Variants in NRCAM observed in about 807,000 individuals in gnomAD.
NRCAM encodes the protein NgCAM-related cell adhesion molecule.
A neutral mutation model predicts 156.5 loss-of-function variants in NRCAM; 83 were observed. The observed-to-expected ratio is 0.53, with a 90% CI of 0.44 to 0.64. NRCAM has a LOEUF of 0.64. NRCAM is among the 30% of genes least tolerant of loss of function. NRCAM has a pLI of 0.00. For synonymous variants in NRCAM, 538 were observed against 563.9 expected (o/e 0.95, Z 0.65); for missense variants, 1,417 against 1,597.3 (o/e 0.89, Z 1.92).
At chr7:108,417,964 C>T (rs193111974) in intron 1 of NRCAM, among the ~76,000 whole-genome samples, 1 of 152,290 alleles carries the variant, frequency 6.6e-6, no homozygotes, top group Admixed American at 6.5e-5. Flanking sequence ...AGCCATTTAG[C>T]ACTGAAAGTT....
chr7:108,317,661 G>C (rs1479959732), intron 2 of NRCAM, among the ~76,000 whole-genome samples: 1 of 152,150 alleles, frequency 6.6e-6, no homozygotes, highest in Non-Finnish European at 1.5e-5. Flanking sequence ...TGTAATCCTA[G>C]CACTTTGGGA....
At chr7:108,203,299 G>T (rs79630811) in intron 13 of NRCAM, among the ~76,000 whole-genome samples, 2,250 of 152,090 alleles carry the variant, frequency 0.015, 49 homozygotes, top group African/African-American at 0.047. Context: ...AGGTGGTTTT[G>T]GGAAATTTCC....
intron 2 of NRCAM, among the ~76,000 whole-genome samples, chr7:108,388,370 T>C (rs2099748155): frequency 6.6e-6 from 1 of 152,242 alleles, no homozygotes; most frequent in East Asian, 1.9e-4. Context: ...TTGAGAAATG[T>C]CTGTTCGTAT....
chr7:108,343,187 G>C (rs907546430), intron 2 of NRCAM, among the ~76,000 whole-genome samples: 9 of 152,272 alleles, frequency 5.9e-5, no homozygotes, highest in South Asian at 4.1e-4. Flanking sequence ...CCAGGAACTA[G>C]TGCTCAGCTG....
chr7:108,334,562 C>T (rs1317467611), intron 2 of NRCAM, among the ~76,000 whole-genome samples: 1 of 152,196 alleles, frequency 6.6e-6, no homozygotes, highest in African/African-American at 2.4e-5. Flanking sequence ...GTTCCTCACT[C>T]CTCTCCCTCT....
At chr7:108,243,063 T>C (rs1331302831) in intron 3 of NRCAM, 7 of 152,194 alleles carry the variant, frequency 4.6e-5, no homozygotes, top group Non-Finnish European at 1.0e-4. Flanking sequence ...AGACATGAGT[T>C]AATAAATCCT....
chr7:108,285,719 AT>A (rs1449099301), intron 3 of NRCAM, among the ~76,000 whole-genome samples: 1 of 152,182 alleles, frequency 6.6e-6, no homozygotes, highest in East Asian at 1.9e-4. Context: ...CATTCACTAT[AT>A]TTTGTCAGGA....
At chr7:108,156,124 C>T (rs1311921674) in intron 32 of NRCAM, 1 of 175,192 alleles carries the variant, frequency 5.7e-6, no homozygotes, top group Admixed American at 6.5e-5. Flanking sequence ...TATTATTTTA[C>T]TCACAAGCCA....
chr7:108,281,885 A>G (rs1308577761), intron 3 of NRCAM, among the ~76,000 whole-genome samples: 2 of 152,252 alleles, frequency 1.3e-5, no homozygotes, highest in Non-Finnish European at 2.9e-5. Context: ...AAGATTTTTG[A>G]TTAAACACAA....
intron 2 of NRCAM, among the ~76,000 whole-genome samples, chr7:108,324,637 C>T (rs1225704377): frequency 2.6e-5 from 4 of 152,086 alleles, no homozygotes; most frequent in Non-Finnish European, 2.9e-5. Context: ...CCTGTCCAGT[C>T]GGGGGCTGGG....
At chr7:108,298,351 C>T (rs554931713) in intron 3 of NRCAM, among the ~76,000 whole-genome samples, 72 of 151,748 alleles carry the variant, frequency 4.7e-4, no homozygotes, top group Non-Finnish European at 5.9e-4. Context: ...ACCCCCTCCC[C>T]GCCAAAAAAA....
intron 3 of NRCAM, among the ~76,000 whole-genome samples, chr7:108,253,007 T>C (rs546733429): frequency 6.6e-6 from 1 of 152,358 alleles, no homozygotes; most frequent in African/African-American, 2.4e-5. Context: ...CCAGGACATA[T>C]CTAAAATGAC....
intron 2 of NRCAM, among the ~76,000 whole-genome samples, chr7:108,334,830 A>G (rs1472637283): frequency 6.6e-6 from 1 of 152,238 alleles, no homozygotes; most frequent in Non-Finnish European, 1.5e-5. Context: ...GTAGTCAAGC[A>G]GTAATAAAAT....
At chr7:108,416,979 C>T (rs984684363) in intron 1 of NRCAM, among the ~76,000 whole-genome samples, 1 of 152,236 alleles carries the variant, frequency 6.6e-6, no homozygotes, top group Non-Finnish European at 1.5e-5. Flanking sequence ...ACATATTCTC[C>T]AGAGAGATTC....
chr7:108,402,178 T>A (rs989231371), intron 1 of NRCAM, among the ~76,000 whole-genome samples: 1 of 152,204 alleles, frequency 6.6e-6, no homozygotes, highest in African/African-American at 2.4e-5. Flanking sequence ...TCACAATTCA[T>A]GGGTAAACAA....
At chr7:108,339,141 G>T (rs2099245255) in intron 2 of NRCAM, among the ~76,000 whole-genome samples, 1 of 152,178 alleles carries the variant, frequency 6.6e-6, no homozygotes, top group Admixed American at 6.5e-5. Context: ...TAACCCAGAA[G>T]ATTTCCTAAC....
chr7:108,154,639 A>G (rs1340921101), intron 32 of NRCAM, among the ~76,000 whole-genome samples: 1 of 152,184 alleles, frequency 6.6e-6, no homozygotes, highest in Non-Finnish European at 1.5e-5. Flanking sequence ...AAGCCATTCA[A>G]AGGCAGTGAG....
intron 2 of NRCAM, among the ~76,000 whole-genome samples, chr7:108,396,494 T>C (rs1000362551): frequency 2.0e-5 from 3 of 152,254 alleles, no homozygotes; most frequent in East Asian, 1.9e-4. Flanking sequence ...TGCAATGTAA[T>C]TGACCAAATC....
At chr7:108,324,886 T>G (rs1277096652) in intron 2 of NRCAM, among the ~76,000 whole-genome samples, 1 of 141,862 alleles carries the variant, frequency 7.0e-6, no homozygotes, top group Admixed American at 6.9e-5. Flanking sequence ...ACTTTTTTTT[T>G]TTTTTTTTTT....
Sources: allele counts gnomAD v4.1 joint callset (sites outside exome capture counted in the v4.1 genomes callset), GRCh38; gene constraint gnomAD v4.1.1; transcripts MANE v1.5; gene names NCBI Gene and HGNC (gene_info 2026-07-23, HGNC 2026-07-21).